Variants in AGK observed in about 807,000 individuals in gnomAD.
AGK encodes the protein acylglycerol kinase.
A neutral mutation model predicts 66.4 loss-of-function variants in AGK; 52 were observed. That is an observed-to-expected ratio of 0.78 (90% CI 0.63 to 0.99). AGK has a LOEUF of 0.99. Among genes scored for constraint, AGK ranks in the 50% least tolerant of loss-of-function variants. AGK has a pLI of 0.00. For synonymous variants in AGK, 182 were observed against 181.1 expected, an observed-to-expected ratio of 1.00 and a Z score of -0.04; for missense variants, 451 against 506.6, an observed-to-expected ratio of 0.89 and a Z score of 1.05.
At chr7:141,651,971 A>ACTTTAACAT (rs955094008) in intron 15 of AGK, among the ~76,000 whole-genome samples, 11 of 152,212 alleles carry the variant, frequency 7.2e-5, no homozygotes, top group Non-Finnish European at 1.5e-4. Flanking sequence ...AGTGGCTTTT[A>ACTTTAACAT]CTTTAACATT....
At chr7:141,585,109 T>C (rs1795969016) in intron 2 of AGK, among the ~76,000 whole-genome samples, 1 of 152,204 alleles carries the variant, frequency 6.6e-6, no homozygotes, top group Non-Finnish European at 1.5e-5. Context: ...ACATTTTCAT[T>C]GTTCCCTTGG....
At chr7:141,559,497 C>T (rs1795290275) in intron 2 of AGK, among the ~76,000 whole-genome samples, 1 of 152,078 alleles carries the variant, frequency 6.6e-6, no homozygotes, top group Non-Finnish European at 1.5e-5. Context: ...CAATACCACA[C>T]TGTTTTGATT....
At position 141,653,630 on chromosome 7, in the gene AGK, C is replaced by T. The variant is rs1414301648; in HGVS notation, c.*706C>T. 1 of 152,218 alleles carries T rather than the reference C, an allele frequency of 6.6e-6. No individual in the cohort carries two copies. The highest frequency in any genetic ancestry group is 2.4e-5 in the African/African-American group (1 of 41,444). The allele number at this position is 152,218 out of a possible 1,614,324, so 9.4% of individuals were successfully genotyped here. On this transcript the variant is annotated 3_prime_UTR_variant, in exon 16 of 16. Coordinates refer to ENST00000649286, the MANE Select transcript of AGK (RefSeq NM_018238.4). ...GGAATATGCATTTTTAAAAAGTCAT[C>T]TGCCCTTCCCAGGTGATTCTGTAAG...
rs202021596 is a variant in AGK, at chr7:141,618,636, G to GT, written c.518+3079dup. On this transcript the variant is annotated intron_variant, in intron 8 of 15. Coordinates refer to ENST00000649286, the MANE Select transcript of AGK (RefSeq NM_018238.4). Reference sequence around the variant, plus strand: ...ATTGCTAACTGCTTCACCTAGAAAAGTTTTTTTTGTTTGTTTAAAAAAGGA... The same window carrying GT: ...ATTGCTAACTGCTTCACCTAGAAAAGTTTTTTTTTGTTTGTTTAAAAAAGGA... Among the ~76,000 whole-genome samples the GT allele has an allele frequency of 3.4e-4, 51 of 151,946 alleles. 1 individual carries two copies. The highest frequency in any genetic ancestry group is 2.4e-3 in the Admixed American group (36 of 15,252).
intron 11 of AGK, 38 bp from the exon 12 acceptor site, chr7:141,641,210 A>G: frequency 6.3e-7 from 1 of 1,588,068 alleles, no homozygotes; most frequent in Non-Finnish European, 8.6e-7. Flanking sequence ...GTGGAATTGT[A>G]CATGCATAAC....
At chr7:141,601,037 A>G (rs569961227) in intron 4 of AGK, among the ~76,000 whole-genome samples, 168 bp from the exon 5 acceptor site, 29 of 152,272 alleles carry the variant, frequency 1.9e-4, no homozygotes, top group African/African-American at 6.7e-4. Flanking sequence ...CTATTTTTCC[A>G]TTCATATTAA....
At chr7:141,589,367 A>G (rs543395822) in intron 2 of AGK, among the ~76,000 whole-genome samples, 1 of 152,310 alleles carries the variant, frequency 6.6e-6, no homozygotes, top group African/African-American at 2.4e-5. Flanking sequence ...TATTCTGACA[A>G]TGCTGATATT....
chr7:141,593,916 A>G (rs1796175577), intron 3 of AGK: 2 of 153,744 alleles, frequency 1.3e-5, no homozygotes, highest in Middle Eastern at 3.4e-3. Context: ...GGCAGACCTC[A>G]TGTTTGTTTC....
intron 11 of AGK, among the ~76,000 whole-genome samples, chr7:141,640,320 C>T (rs1025410064): frequency 1.3e-5 from 2 of 151,982 alleles, no homozygotes; most frequent in Admixed American, 6.6e-5. Context: ...AAGCAGTGAC[C>T]GTTTGAGACA....
chr7:141,639,673 T>C (rs1359683638), intron 11 of AGK, among the ~76,000 whole-genome samples: 2 of 152,108 alleles, frequency 1.3e-5, no homozygotes, highest in African/African-American at 2.4e-5. Flanking sequence ...TGGTGAGTAG[T>C]GGTATGGGGT....
chr7:141,631,263 A>G (rs1270643222), intron 9 of AGK, among the ~76,000 whole-genome samples: 1 of 152,184 alleles, frequency 6.6e-6, no homozygotes, highest in African/African-American at 2.4e-5. Context: ...GATAATGTAG[A>G]GAAGGTTGTT....
chr7:141,584,322 A>C (rs1055254539), intron 2 of AGK, among the ~76,000 whole-genome samples: 5 of 152,130 alleles, frequency 3.3e-5, no homozygotes, highest in Non-Finnish European at 7.4e-5. Flanking sequence ...TCATCAGTTA[A>C]GGCAGGGACC....
chr7:141,587,154 G>A (rs1359389280), intron 2 of AGK, among the ~76,000 whole-genome samples: 3 of 152,130 alleles, frequency 2.0e-5, no homozygotes, highest in Non-Finnish European at 2.9e-5. Flanking sequence ...TGCAGGATGT[G>A]GGCGCTATCT....
intron 2 of AGK, among the ~76,000 whole-genome samples, chr7:141,573,213 C>G (rs1283441895): frequency 6.6e-6 from 1 of 152,040 alleles, no homozygotes; most frequent in Non-Finnish European, 1.5e-5. Context: ...CATTTATGGG[C>G]AATTAAATAA....
chr7:141,623,389 A>G (rs1257720905), intron 9 of AGK, among the ~76,000 whole-genome samples: 1 of 150,618 alleles, frequency 6.6e-6, no homozygotes, highest in African/African-American at 2.4e-5. Flanking sequence ...CAAAAAAAAA[A>G]AAAGAAAAAA....
Position 141,633,773 on chromosome 7 carries a change from G to A in AGK, c.589-128G>A, listed in dbSNP as rs117025105. The A allele has an allele frequency of 7.4e-5, 56 of 759,696 alleles. No individual in the cohort carries two copies. The East Asian group carries it at 1.4e-3, about 18-fold the overall frequency. The allele number at this position is 759,696 out of a possible 1,614,324, so 47.1% of individuals were successfully genotyped here. A position where few individuals can be genotyped will look rare whatever the true frequency, so the allele number is the denominator to read the frequency against. On this transcript the variant is annotated intron_variant, in intron 9 of 15. Transcript: ENST00000649286. Reference sequence around the variant, plus strand: ...CACTCACAGGGTTAATGTCTTTAATGTTTGAGCAGACTTTTTAGAATTTTG... The same window carrying A: ...CACTCACAGGGTTAATGTCTTTAATATTTGAGCAGACTTTTTAGAATTTTG...
At chr7:141,607,358 A>G (rs1410909499) in intron 5 of AGK, among the ~76,000 whole-genome samples, 1 of 152,166 alleles carries the variant, frequency 6.6e-6, no homozygotes, top group Non-Finnish European at 1.5e-5. Context: ...ATAAATGTAT[A>G]ATGAAATCTC....
intron 2 of AGK, among the ~76,000 whole-genome samples, chr7:141,586,333 A>G (rs1795994104): frequency 6.6e-6 from 1 of 152,168 alleles, no homozygotes; most frequent in Admixed American, 6.5e-5. Flanking sequence ...CATTGGAGAA[A>G]CATCCCCGCT....
In AGK at chr7:141,552,576, T is replaced by C. The variant is rs1795116033; in HGVS notation, c.-15+1142T>C. Among the ~76,000 whole-genome samples, 4 of 152,334 alleles carry C rather than the reference T, an allele frequency of 2.6e-5. No individual in the cohort carries two copies. In the South Asian group the frequency reaches 8.3e-4, roughly 32 times the overall value. On this transcript the variant is annotated intron_variant, in intron 1 of 15. Coordinates refer to ENST00000649286, the MANE Select transcript of AGK (RefSeq NM_018238.4). ...CACTAAAGGTTGAGAACCCCTGTTC[T>C]AGACACTCCAATTTTTACTCCGCTG...
Sources: allele counts gnomAD v4.1 joint callset (sites outside exome capture counted in the v4.1 genomes callset), GRCh38; gene constraint gnomAD v4.1.1; transcripts MANE v1.5; gene names NCBI Gene and HGNC (gene_info 2026-07-23, HGNC 2026-07-21).